PIK3CA: variants seen among roughly 807,000 people sequenced by gnomAD.
The protein encoded by PIK3CA is phosphatidylinositol 4,5-bisphosphate 3-kinase catalytic subunit alpha isoform.
In PIK3CA, 27 loss-of-function variants were observed where a neutral mutation model predicts 138.2. The observed-to-expected ratio is 0.20, with a 90% CI of 0.14 to 0.27. The LOEUF (loss-of-function observed/expected upper bound fraction) is 0.27. PIK3CA is among the 10% of genes least tolerant of loss of function. The probability of loss-of-function intolerance (pLI) is 1.00; values close to 1 mark genes in which losing one functional copy is unlikely to be tolerated. For synonymous variants in PIK3CA, 358 were observed against 413.2 expected, an observed-to-expected ratio of 0.87 and a Z score of 1.62; for missense variants, 544 against 1,277.4, an observed-to-expected ratio of 0.43 and a Z score of 8.75.
intron 1 of PIK3CA, among the ~76,000 whole-genome samples, chr3:179,161,640 T>G (rs1281464446): frequency 6.6e-6 from 1 of 152,136 alleles, no homozygotes; most frequent in Non-Finnish European, 1.5e-5. Context: ...GAGGTTGCGG[T>G]GAGCTGAGAT....
Position 179,229,509 on chromosome 3 carries a change from G to A in PIK3CA, c.2666+67G>A, listed in dbSNP as rs888385572. ...TTGTTAGATGAGTCTGTCGGTGTTTGTGTATTCCTCTGAGTTAGAACAGAG... is the reference window on the plus strand; with the variant it reads ...TTGTTAGATGAGTCTGTCGGTGTTTATGTATTCCTCTGAGTTAGAACAGAG... On this transcript the variant is annotated intron_variant, in intron 18 of 20. Transcript: ENST00000263967. 138 of 1,199,088 alleles carry A rather than the reference G, an allele frequency of 1.2e-4. No individual in the cohort carries two copies. In the African/African-American group the frequency reaches 1.9e-3, roughly 17 times the overall value. 74.3% of individuals were successfully genotyped at this position (1,199,088 alleles called of 1,614,324 possible).
intron 1 of PIK3CA, among the ~76,000 whole-genome samples, chr3:179,171,984 A>G (rs1478484772): frequency 6.6e-6 from 1 of 152,126 alleles, no homozygotes; most frequent in Non-Finnish European, 1.5e-5. Flanking sequence ...AAAAATCCTT[A>G]GCAAAATATT....
intron 18 of PIK3CA, among the ~76,000 whole-genome samples, chr3:179,229,670 T>C (rs1725168537): frequency 6.6e-6 from 1 of 152,198 alleles, no homozygotes; most frequent in African/African-American, 2.4e-5. Context: ...CTAAAATGTA[T>C]TGTTATTGCT....
chr3:179,154,483 C>T (rs922498141), intron 1 of PIK3CA, among the ~76,000 whole-genome samples: 2 of 152,192 alleles, frequency 1.3e-5, no homozygotes, highest in African/African-American at 4.8e-5. Context: ...CTTCCCCAAT[C>T]CATGGAAAAA....
chr3:179,208,592 A>G (rs1393145258), intron 6 of PIK3CA, among the ~76,000 whole-genome samples: 2 of 152,148 alleles, frequency 1.3e-5, no homozygotes, highest in Non-Finnish European at 2.9e-5. Context: ...CCATTGTTAT[A>G]ATGTTTTTTT....
At chr3:179,158,017 CCTT>C (rs1241720637) in intron 1 of PIK3CA, among the ~76,000 whole-genome samples, 1 of 152,022 alleles carries the variant, frequency 6.6e-6, no homozygotes, top group Non-Finnish European at 1.5e-5. Flanking sequence ...TCTGTGAACT[CCTT>C]GAGAGTAAGA....
rs1409093708 is a variant in PIK3CA at position 179,236,160 on chromosome 3, A to C, written c.*1796A>C. On this transcript the variant is annotated 3_prime_UTR_variant, in exon 21 of 21. Transcript: ENST00000263967. The stretch of plus-strand genomic sequence containing the variant: ...TAGTGAACAAGGGACTCTAATACCA[A>C]TACTCTTAATATCTGGCTATTTTAG... 1 of 204,828 alleles carries C rather than the reference A, an allele frequency of 4.9e-6. No individual in the cohort carries two copies. Among genetic ancestry groups the C allele is most frequent in the African/African-American group, 2.3e-5 (1 of 43,784 alleles). The allele number at this position is 204,828 out of a possible 1,614,324, so 12.7% of individuals were successfully genotyped here. A position where few individuals can be genotyped will look rare whatever the true frequency, so the allele number is the denominator to read the frequency against.
intron 1 of PIK3CA, among the ~76,000 whole-genome samples, chr3:179,195,377 T>G (rs77076892): frequency 0.034 from 5,209 of 152,286 alleles, 100 homozygotes; most frequent in Non-Finnish European, 0.046. Flanking sequence ...ATTGCTAATG[T>G]TTAACATTTA....
chr3:179,223,515 C>T (rs1034654943), intron 14 of PIK3CA, among the ~76,000 whole-genome samples: 15 of 152,240 alleles, frequency 9.9e-5, no homozygotes, highest in African/African-American at 3.6e-4. Context: ...CTCACTAGAC[C>T]ACTTTCACCC....
At chr3:179,148,675 G>A (rs1049079051) in intron 1 of PIK3CA, 72 bp downstream of exon 1, 1 of 152,112 alleles carries the variant, frequency 6.6e-6, no homozygotes, top group Admixed American at 6.6e-5. Flanking sequence ...GGAGACTCCC[G>A]GGCGCGCCCG....
At chr3:179,208,452 T>C (rs1463774814) in intron 6 of PIK3CA, among the ~76,000 whole-genome samples, 2 of 152,202 alleles carry the variant, frequency 1.3e-5, no homozygotes, top group African/African-American at 4.8e-5. Context: ...TTATCAACCT[T>C]ATGAGGGTAG....
At chr3:179,218,695 C>G (rs372463918) in intron 10 of PIK3CA, among the ~76,000 whole-genome samples, 1 of 151,774 alleles carries the variant, frequency 6.6e-6, no homozygotes, top group Non-Finnish European at 1.5e-5. Flanking sequence ...TTTTTTCTTA[C>G]GTTTCTTCAA....
intron 1 of PIK3CA, among the ~76,000 whole-genome samples, chr3:179,173,034 A>C (rs1723599352): frequency 6.6e-6 from 1 of 152,112 alleles, no homozygotes; most frequent in South Asian, 2.1e-4. Context: ...TTTTCAATTA[A>C]TTTCTTATTT....
intron 9 of PIK3CA, among the ~76,000 whole-genome samples, chr3:179,213,378 A>G (rs369295195): frequency 1.3e-5 from 2 of 152,358 alleles, no homozygotes; most frequent in African/African-American, 2.4e-5. Flanking sequence ...GTCTAACACA[A>G]CAATGTACAT....
At chr3:179,197,335 C>T (rs1724292388) in intron 1 of PIK3CA, among the ~76,000 whole-genome samples, 1 of 152,178 alleles carries the variant, frequency 6.6e-6, no homozygotes, top group Non-Finnish European at 1.5e-5. Flanking sequence ...CCATGCCCAG[C>T]CACTTATCTT....
Position 179,219,889 on chromosome 3 carries a change from A to G in PIK3CA, c.1912-60A>G, listed in dbSNP as rs1318955117. On this transcript the variant is annotated intron_variant, in intron 12 of 20. Transcript: ENST00000263967. The surrounding 1 kb of genome is among the most constrained non-coding windows in gnomAD (Gnocchi z 4.2). ...TAATATCCACTTTCTTTCTGAAAAA[A>G]TTTTCTTTAGATCGGCCATGCAGAA... is the stretch of plus-strand genomic sequence containing the variant. The G allele has an allele frequency of 6.9e-6, 11 of 1,585,628 alleles. No individual in the cohort carries two copies. Among genetic ancestry groups the G allele is most frequent in the East Asian group, 4.5e-5 (2 of 44,506 alleles).
chr3:179,214,603 A>G (rs1489198977), intron 9 of PIK3CA, among the ~76,000 whole-genome samples: 1 of 152,164 alleles, frequency 6.6e-6, no homozygotes, highest in African/African-American at 2.4e-5. Context: ...AGAATTACCA[A>G]AATGTGACAC....
intron 1 of PIK3CA, among the ~76,000 whole-genome samples, chr3:179,195,065 C>T (rs1724232305): frequency 6.7e-6 from 1 of 149,392 alleles, no homozygotes; most frequent in African/African-American, 2.5e-5. Flanking sequence ...GGATTCCTGA[C>T]ACCTACGCTG....
intron 1 of PIK3CA, among the ~76,000 whole-genome samples, chr3:179,153,786 T>C (rs1723067645): frequency 1.3e-5 from 2 of 149,328 alleles, no homozygotes; most frequent in Non-Finnish European, 3.0e-5. Context: ...AAGTAACTTA[T>C]TCGAAAGAAA....
Sources: gnomAD v4.1 joint callset for allele counts (sites outside exome capture counted in the v4.1 genomes callset) on GRCh38, gnomAD v4.1.1 for gene constraint, Gnocchi (gnomAD v3.1) non-coding constraint, MANE v1.5 for transcripts, NCBI Gene and HGNC (gene_info 2026-07-23, HGNC 2026-07-21) for gene names.